NKAIN3: variants seen among roughly 807,000 people sequenced by gnomAD.
NKAIN3 encodes sodium/potassium-transporting ATPase subunit beta-1-interacting protein 3.
Under a neutral mutation model 30.2 loss-of-function variants are expected in NKAIN3, and 25 were observed. That is an observed-to-expected ratio of 0.83 (90% confidence interval 0.60 to 1.16). The LOEUF is 1.16. Among genes scored for constraint, NKAIN3 ranks in the 50% most tolerant of loss-of-function variants. The pLI is 0.00. For synonymous variants in NKAIN3, 91 were observed against 89.6 expected, an observed-to-expected ratio of 1.02 and a Z score of -0.09; for missense variants, 225 against 254.1, an observed-to-expected ratio of 0.89 and a Z score of 0.78.
rs1438849489 is a variant in NKAIN3 at position 62,345,538 on chromosome 8, TATATACAC to T, written c.54+96417_54+96424del. ...ACACATATATGTATATATACACACA[TATATACAC>T]ATATATGTATATATACACATATATA... On this transcript the variant is annotated intron_variant, in intron 1 of 6. Transcript: ENST00000623646. Among the ~76,000 whole-genome samples the T allele has an allele frequency of 2.2e-3, 312 of 144,114 alleles. 1 individual carries two copies. Among genetic ancestry groups the T allele is most frequent in the African/African-American group, 7.5e-3 (289 of 38,418 alleles). The allele number at this position is 144,114 out of a possible 152,430, so 94.5% of individuals were successfully genotyped here. A position where few individuals can be genotyped will look rare whatever the true frequency, so the allele number is the denominator to read the frequency against.
At chr8:62,502,506 C>T (rs948808774) in intron 1 of NKAIN3, among the ~76,000 whole-genome samples, 3 of 150,356 alleles carry the variant, frequency 2.0e-5, no homozygotes, top group Non-Finnish European at 4.4e-5. Flanking sequence ...TATGACACTT[C>T]TCTTTTTATC....
intron 5 of NKAIN3, among the ~76,000 whole-genome samples, chr8:62,947,688 A>G (rs1823163971): frequency 6.6e-6 from 1 of 152,128 alleles, no homozygotes; most frequent in South Asian, 2.1e-4. Context: ...CTGCCTGGCT[A>G]TATTTGGTTG....
At chr8:62,701,650 G>T (rs926218160) in intron 3 of NKAIN3, among the ~76,000 whole-genome samples, 1 of 152,116 alleles carries the variant, frequency 6.6e-6, no homozygotes, top group South Asian at 2.1e-4. Context: ...ATGATGTGAC[G>T]TATACAATTA....
intron 1 of NKAIN3, among the ~76,000 whole-genome samples, chr8:62,380,594 C>A (rs1428297699): frequency 1.3e-5 from 2 of 152,184 alleles, no homozygotes; most frequent in African/African-American, 4.8e-5. Context: ...GGCTGAGTGT[C>A]TCTGTGCTGG....
At chr8:62,493,866 A>G (rs998643394) in intron 1 of NKAIN3, among the ~76,000 whole-genome samples, 2 of 152,102 alleles carry the variant, frequency 1.3e-5, no homozygotes, top group African/African-American at 4.8e-5. Context: ...ATTTTTGAAC[A>G]TTGATTTTGT....
chr8:62,433,564 G>GATTTCT (rs1464322895), intron 1 of NKAIN3, among the ~76,000 whole-genome samples: 2 of 152,064 alleles, frequency 1.3e-5, no homozygotes, highest in Non-Finnish European at 2.9e-5. Flanking sequence ...AGCTCTATTA[G>GATTTCT]AAATAGAAAT....
chr8:62,393,009 T>C (rs1490292104), intron 1 of NKAIN3, among the ~76,000 whole-genome samples: 3 of 152,064 alleles, frequency 2.0e-5, no homozygotes, highest in Non-Finnish European at 1.5e-5. Flanking sequence ...TTAAGAAAGA[T>C]TAACATGGTG....
chr8:62,693,634 G>A (rs1814052898), intron 3 of NKAIN3, among the ~76,000 whole-genome samples: 1 of 152,124 alleles, frequency 6.6e-6, no homozygotes, highest in African/African-American at 2.4e-5. Flanking sequence ...AATCTTATGT[G>A]GAACCTCACA....
chr8:62,932,767 C>T (rs1463090065), intron 5 of NKAIN3, among the ~76,000 whole-genome samples: 2 of 151,986 alleles, frequency 1.3e-5, no homozygotes, highest in African/African-American at 4.8e-5. Context: ...GAGACAGGGT[C>T]TCTCTCTGTC....
intron 2 of NKAIN3, among the ~76,000 whole-genome samples, chr8:62,588,768 A>G (rs1334242261): frequency 6.6e-6 from 1 of 151,912 alleles, no homozygotes; most frequent in African/African-American, 2.4e-5. Flanking sequence ...GACATTAAGA[A>G]TTCATTCATT....
At chr8:62,896,946 A>T (rs1320782644) in intron 4 of NKAIN3, among the ~76,000 whole-genome samples, 3 of 152,194 alleles carry the variant, frequency 2.0e-5, no homozygotes, top group Non-Finnish European at 4.4e-5. Flanking sequence ...AGCTGATAAC[A>T]TTCATTTCTG....
intron 3 of NKAIN3, among the ~76,000 whole-genome samples, chr8:62,674,143 T>C (rs997174706): frequency 6.6e-5 from 10 of 152,200 alleles, no homozygotes; most frequent in Admixed American, 4.6e-4. Flanking sequence ...CACACACAAA[T>C]GCCTGCAATC....
intron 4 of NKAIN3, among the ~76,000 whole-genome samples, chr8:62,804,719 C>G (rs1818208476): frequency 6.6e-6 from 1 of 152,170 alleles, no homozygotes; most frequent in South Asian, 2.1e-4. Flanking sequence ...AAACTGGAAG[C>G]ATTCCCTTTG....
chr8:62,534,558 C>A (rs1276202476), intron 1 of NKAIN3, among the ~76,000 whole-genome samples: 1 of 152,168 alleles, frequency 6.6e-6, no homozygotes, highest in Non-Finnish European at 1.5e-5. Flanking sequence ...TCAGCTGTTT[C>A]TTATTGAAAA....
intron 4 of NKAIN3, among the ~76,000 whole-genome samples, chr8:62,866,303 T>C (rs550452471): frequency 2.6e-5 from 4 of 152,314 alleles, no homozygotes; most frequent in African/African-American, 9.6e-5. Context: ...GTATATACAA[T>C]TTGCAGTGCA....
At chr8:62,745,808 G>A (rs936567288) in intron 3 of NKAIN3, among the ~76,000 whole-genome samples, 2 of 152,176 alleles carry the variant, frequency 1.3e-5, no homozygotes, top group African/African-American at 4.8e-5. Context: ...GCTGTCTTCA[G>A]AGTATAAGGA....
chr8:62,355,937 A>C (rs1287082226), intron 1 of NKAIN3, among the ~76,000 whole-genome samples: 1 of 152,170 alleles, frequency 6.6e-6, no homozygotes, highest in Admixed American at 6.5e-5. Context: ...ATATTTCATG[A>C]TCTCTAAAAA....
intron 4 of NKAIN3, among the ~76,000 whole-genome samples, chr8:62,871,100 C>G (rs1333244632): frequency 6.6e-6 from 1 of 151,936 alleles, no homozygotes; most frequent in African/African-American, 2.4e-5. Context: ...CTGACACACT[C>G]AAGCTATTAA....
chr8:62,712,015 G>A (rs1476711834), intron 3 of NKAIN3, among the ~76,000 whole-genome samples: 1 of 152,110 alleles, frequency 6.6e-6, no homozygotes, highest in East Asian at 1.9e-4. Context: ...TCTCTTCTGG[G>A]CCTAGCTACC....
Sources: gnomAD v4.1 joint callset for allele counts (sites outside exome capture counted in the v4.1 genomes callset) on GRCh38, gnomAD v4.1.1 for gene constraint, MANE v1.5 for transcripts, NCBI Gene and HGNC (gene_info 2026-07-23, HGNC 2026-07-21) for gene names.